Variants in ELN observed in about 807,000 individuals in gnomAD.
ELN encodes elastin.
In ELN, 65 loss-of-function variants were observed where a neutral mutation model predicts 105.8. The observed-to-expected ratio is 0.61, with a 90% CI of 0.50 to 0.75. The LOEUF (loss-of-function observed/expected upper bound fraction) is 0.75. Among genes scored for constraint, ELN ranks in the 30% least tolerant of loss-of-function variants. ELN has a pLI of 0.00. For synonymous variants in ELN, 368 were observed against 389.2 expected (o/e 0.95, Z 0.64); for missense variants, 882 against 969.4 (o/e 0.91, Z 1.20).
Position 74,068,756 on chromosome 7 carries a change from G to A in ELN, c.*56G>A, listed in dbSNP as rs1798540617. 3 of 1,603,764 alleles carry A rather than the reference G, an allele frequency of 1.9e-6. No individual in the cohort carries two copies. Among genetic ancestry groups the A allele is most frequent in the Non-Finnish European group, 2.6e-6 (3 of 1,170,794 alleles). ...TCAACGTTGGTGCTACTGCTTGGTG[G>A]AGAATGTAAACCCTTTGTAACCCCA... On this transcript the variant is annotated 3_prime_UTR_variant, in exon 33 of 33. Transcript: ENST00000252034.
intron 19 of ELN, 64 bp from the exon 20 acceptor site, chr7:74,056,207 C>T: frequency 1.9e-6 from 3 of 1,603,766 alleles, no homozygotes; most frequent in South Asian, 2.2e-5. Context: ...CATCAGCATC[C>T]CTCAGAGCCC....
At chr7:74,045,085 C>T in intron 9 of ELN, 137 bp from the exon 10 acceptor site, 1 of 923,658 alleles carries the variant, frequency 1.1e-6, no homozygotes, top group Non-Finnish European at 1.7e-6. Flanking sequence ...GTCCTTTCTC[C>T]ACCCACCCCG....
chr7:74,051,633 C>T (rs1794056490), intron 15 of ELN, 117 bp from the exon 16 acceptor site: 8 of 1,152,358 alleles, frequency 6.9e-6, no homozygotes, highest in Admixed American at 2.1e-5. Flanking sequence ...TGGAGACACC[C>T]GGGCCCCATT....
In ELN at chr7:74,041,344, G is replaced by A; in HGVS notation, c.232+93G>A. The A allele has an allele frequency of 2.0e-6, 3 of 1,526,982 alleles. No individual in the cohort carries two copies. In the South Asian group the frequency reaches 3.4e-5, roughly 17 times the overall value. The allele number at this position is 1,526,982 out of a possible 1,614,324, so 94.6% of individuals were successfully genotyped here. A position where few individuals can be genotyped will look rare whatever the true frequency, so the allele number is the denominator to read the frequency against. On this transcript the variant is annotated intron_variant, in intron 5 of 32. Coordinates refer to ENST00000252034, the MANE Select transcript of ELN (RefSeq NM_000501.4). The stretch of plus-strand genomic sequence containing the variant: ...TATGCAGCACGGTCATGGAACAAGG[G>A]TGCAGGCCAGGTTCCGTCCTGGGCA...
At chr7:74,032,624 T>C (rs562108676) in intron 1 of ELN, among the ~76,000 whole-genome samples, 250 of 152,270 alleles carry the variant, frequency 1.6e-3, no homozygotes, top group Admixed American at 3.6e-3. Context: ...GCATGAAGTT[T>C]GGCAAATGCC....
chr7:74,030,322 G>A (rs1231394078), intron 1 of ELN, among the ~76,000 whole-genome samples: 4 of 152,136 alleles, frequency 2.6e-5, no homozygotes, highest in Admixed American at 2.6e-4. Flanking sequence ...CAAGTTCAGC[G>A]GCTCCAAGGA....
At position 74,063,484 on chromosome 7, in the gene ELN, C is replaced by T. The variant is rs1797182367; in HGVS notation, c.1918+115C>T. The stretch of plus-strand genomic sequence containing the variant: ...AGTCCCTGCCCCAGACACCTCCTGG[C>T]TCCACTGTGCCATCGAAGGCCAGGG... On this transcript the variant is annotated intron_variant, in intron 28 of 32. Transcript: ENST00000252034. The surrounding 1 kb of genome is among the most constrained non-coding windows in gnomAD (Gnocchi z 4.1). 3 of 1,604,002 alleles carry T rather than the reference C, an allele frequency of 1.9e-6. No homozygotes were observed. Among genetic ancestry groups the T allele is most frequent in the Middle Eastern group, 2.2e-4 (1 of 4,536 alleles).
intron 1 of ELN, among the ~76,000 whole-genome samples, chr7:74,032,251 G>T (rs1279845974): frequency 6.6e-6 from 1 of 152,190 alleles, no homozygotes; most frequent in Non-Finnish European, 1.5e-5. Flanking sequence ...GTGTTCTCCA[G>T]GCCAACTGCT....
At position 74,063,653 on chromosome 7, in the gene ELN, G is replaced by C; in HGVS notation, c.1951G>C (p.Gly651Arg). The part of the protein sequence containing the change: ...LVGAAGLGGL[G>R]VGGLGVPGVG... ...GGGAGCCGCTGGGCTCGGAGGACTC[G>C]GAGTCGGAGGGCTTGGAGTTCCAGG... Residue 651 changes from glycine (G) to arginine (R), a missense_variant, in exon 29 of 33, where the codon GGA becomes CGA. Physicochemically the swap from Gly to Arg is moderately radical, Grantham distance 125. Transcript: ENST00000252034. This position sits in a 1 kb window ranked among gnomAD's most constrained non-coding sequence, Gnocchi z 4.1. The C allele has an allele frequency of 1.2e-6, 2 of 1,613,798 alleles. No homozygotes were observed. The highest frequency in any genetic ancestry group is 1.1e-5 in the South Asian group (1 of 91,078).
chr7:74,064,128 A>G (rs1221635556), intron 29 of ELN, among the ~76,000 whole-genome samples: 5 of 147,864 alleles, frequency 3.4e-5, no homozygotes, highest in Non-Finnish European at 7.4e-5. Context: ...AAAGAAAGAA[A>G]AGAAAAGAGG....
intron 2 of ELN, chr7:74,035,700 C>T: frequency 2.0e-6 from 1 of 505,270 alleles, no homozygotes; most frequent in African/African-American, 1.9e-5. Context: ...TGAGATCCCC[C>T]TCTCTACACA....
intron 2 of ELN, chr7:74,035,773 T>C (rs1267312357): frequency 8.7e-6 from 3 of 346,314 alleles, no homozygotes; most frequent in East Asian, 6.9e-5. Flanking sequence ...AAATGAAGTA[T>C]AGAAATTAAA....
At chr7:74,056,099 T>A (rs1313024795) in intron 19 of ELN, among the ~76,000 whole-genome samples, 172 bp from the exon 20 acceptor site, 1 of 152,092 alleles carries the variant, frequency 6.6e-6, no homozygotes, top group Admixed American at 6.6e-5. Flanking sequence ...ACATTTTTTT[T>A]AAAGGCTTCA....
rs1554690477 is a variant in ELN, at chr7:74,068,516, G to A, written c.2132-141G>A. 5 of 926,358 alleles carry A rather than the reference G, an allele frequency of 5.4e-6. No individual in the cohort carries two copies. In the South Asian group the frequency reaches 7.4e-5, roughly 14 times the overall value. 57.4% of individuals were successfully genotyped at this position (926,358 alleles called of 1,614,324 possible). A position where few individuals can be genotyped will look rare whatever the true frequency, so the allele number is the denominator to read the frequency against. On this transcript the variant is annotated intron_variant, in intron 32 of 32. Coordinates refer to ENST00000252034, the MANE Select transcript of ELN (RefSeq NM_000501.4). ...CAGTGGAAGTTGATGGCATGGATCA[G>A]GTCTGAGTTTGGCCTGGGGCCATGA...
chr7:74,066,439 C>T (rs1054447597), intron 31 of ELN, among the ~76,000 whole-genome samples: 2 of 151,982 alleles, frequency 1.3e-5, no homozygotes, highest in South Asian at 2.1e-4. Context: ...ACGTGGTGGA[C>T]GCCTGTAATC....
At chr7:74,062,845 C>T (rs2132469007) in intron 26 of ELN, among the ~76,000 whole-genome samples, 1 of 152,316 alleles carries the variant, frequency 6.6e-6, no homozygotes, top group South Asian at 2.1e-4. Flanking sequence ...GCCACCGCAC[C>T]CGGCTTACAA....
chr7:74,058,968 G>C (rs547070837), intron 22 of ELN, among the ~76,000 whole-genome samples: 64 of 152,142 alleles, frequency 4.2e-4, no homozygotes, highest in African/African-American at 1.4e-3. Context: ...TGTCGCCCAG[G>C]TTGGAGTGCA....
intron 12 of ELN, 56 bp downstream of exon 12, chr7:74,046,823 C>A: frequency 6.3e-7 from 1 of 1,594,022 alleles, no homozygotes; most frequent in South Asian, 1.1e-5. Context: ...GTGGTTCACA[C>A]CTGTAATCCC....
intron 32 of ELN, 64 bp from the exon 33 acceptor site, chr7:74,068,593 C>CG: frequency 6.3e-7 from 1 of 1,599,624 alleles, no homozygotes; most frequent in Non-Finnish European, 8.6e-7. Flanking sequence ...TCAGAGCAGG[C>CG]GGGGATTAGA....
Sources: allele counts gnomAD v4.1 joint callset (sites outside exome capture counted in the v4.1 genomes callset), GRCh38; gene constraint gnomAD v4.1.1; non-coding constraint Gnocchi (gnomAD v3.1); transcripts MANE v1.5; gene names NCBI Gene and HGNC (gene_info 2026-07-23, HGNC 2026-07-21).